The following ASTN2 variants were observed in gnomAD, a reference collection of about 807,000 sequenced individuals.
ASTN2 encodes the protein astrotactin 2, also known as astrotactin-2.
ASTN2 carries 54 observed loss-of-function variants against 139.8 expected under a neutral mutation model. The observed-to-expected ratio is 0.39, with a 90% CI of 0.31 to 0.48. The LOEUF is 0.48. ASTN2 is among the 20% of genes least tolerant of loss of function. The probability of loss-of-function intolerance (pLI) is 0.95; values close to 1 mark genes in which losing one functional copy is unlikely to be tolerated. For missense variants in ASTN2, 1,565 were observed against 1,725.1 expected (o/e 0.91, Z 1.64); for synonymous variants, 756 against 719.5 (o/e 1.05, Z -0.81).
rs1173572683 is a variant in ASTN2 at position 117,146,116 on chromosome 9, A to G, written c.1016-4638T>C. 2.0e-5 allele frequency among the ~76,000 whole-genome samples: 3 copies of G among 152,046 alleles called. 1 individual carries two copies. The South Asian group carries it at 6.2e-4, about 32-fold the overall frequency. On this transcript the variant is annotated intron_variant, in intron 3 of 22. Coordinates refer to ENST00000313400, the MANE Select transcript of ASTN2 (RefSeq NM_001365068.1). ...CCATGGCCAATTTCATCCTGCATACAACTCCCCCTATCCCTGATCCCTCCC... is the reference window on the plus strand; with the variant it reads ...CCATGGCCAATTTCATCCTGCATACGACTCCCCCTATCCCTGATCCCTCCC...
chr9:117,122,417 C>G (rs903786514), intron 4 of ASTN2, among the ~76,000 whole-genome samples: 1 of 152,144 alleles, frequency 6.6e-6, no homozygotes, highest in Non-Finnish European at 1.5e-5. Context: ...GCACTAGTGC[C>G]TCTCACTCAG....
At chr9:116,961,072 T>C (rs1406356277) in intron 10 of ASTN2, among the ~76,000 whole-genome samples, 1 of 152,088 alleles carries the variant, frequency 6.6e-6, no homozygotes, top group Non-Finnish European at 1.5e-5. Flanking sequence ...CCAGGGACTC[T>C]GCAACTAGAG....
In ASTN2 at chr9:116,668,864, G is replaced by A. The variant is rs564084971; in HGVS notation, c.2807-17071C>T. On this transcript the variant is annotated intron_variant, in intron 16 of 22. Transcript: ENST00000313400. The stretch of plus-strand genomic sequence containing the variant: ...TGGGCTAGAAATGACTTAGTGTGTC[G>A]GTCAGTGAAGACAGGGAGGTAGGAG... 1.6e-4 allele frequency among the ~76,000 whole-genome samples: 24 copies of A among 152,250 alleles called. No homozygotes were observed. The South Asian group carries it at 3.9e-3, about 25-fold the overall frequency.
chr9:116,955,137 C>T (rs1835674052), intron 10 of ASTN2, among the ~76,000 whole-genome samples: 1 of 152,178 alleles, frequency 6.6e-6, no homozygotes, highest in Non-Finnish European at 1.5e-5. Flanking sequence ...GCTTTGTGAC[C>T]TTGGCCAGGT....
intron 6 of ASTN2, among the ~76,000 whole-genome samples, chr9:117,025,779 TTC>T (rs1210478771): frequency 2.7e-5 from 4 of 149,770 alleles, no homozygotes; most frequent in African/African-American, 1.0e-4. Context: ...ATTGTGGTTT[TTC>T]TTTTTTCTTT....
At chr9:116,562,354 T>C (rs1053358586) in intron 19 of ASTN2, 1 of 150,992 alleles carries the variant, frequency 6.6e-6, no homozygotes, top group African/African-American at 2.5e-5. Flanking sequence ...CTACGGCTCA[T>C]ATATTAGCAT....
At chr9:116,872,934 C>T (rs1038812739) in intron 10 of ASTN2, among the ~76,000 whole-genome samples, 5 of 152,166 alleles carry the variant, frequency 3.3e-5, no homozygotes, top group South Asian at 2.1e-4. Context: ...TTCCTGTGTG[C>T]CAGGCCATGG....
At chr9:116,448,984 G>A (rs1338717046) in intron 20 of ASTN2, among the ~76,000 whole-genome samples, 1 of 152,170 alleles carries the variant, frequency 6.6e-6, no homozygotes, top group African/African-American at 2.4e-5. Context: ...CAATGAGGCA[G>A]GGTGTGCAGA....
In ASTN2 at chr9:116,832,188, T is replaced by C. The variant is rs1721318993; in HGVS notation, c.2041-11405A>G. ...ATACAATTGATGTTGTATATTTTTC[T>C]TGTATTCTGAGACCTTGCCAAACTT... On this transcript the variant is annotated intron_variant, in intron 11 of 22. Transcript: ENST00000313400. Among the ~76,000 whole-genome samples, 2 of 152,196 alleles carry C rather than the reference T, an allele frequency of 1.3e-5. 1 individual carries two copies. The highest frequency in any genetic ancestry group is 2.9e-5 in the Non-Finnish European group (2 of 68,010).
intron 13 of ASTN2, among the ~76,000 whole-genome samples, chr9:116,782,926 TTCAC>T (rs1478772713): frequency 6.6e-6 from 1 of 152,192 alleles, no homozygotes; most frequent in Non-Finnish European, 1.5e-5. Context: ...TTTATCGAAT[TTCAC>T]TCACTAAGTA....
chr9:117,117,082 G>C (rs1397948393), intron 4 of ASTN2, among the ~76,000 whole-genome samples: 5 of 152,026 alleles, frequency 3.3e-5, no homozygotes, highest in African/African-American at 1.2e-4. Flanking sequence ...ATGGGGACTG[G>C]TGGTGATAAC....
At chr9:117,399,076 G>A (rs529976920) in intron 1 of ASTN2, among the ~76,000 whole-genome samples, 1 of 152,080 alleles carries the variant, frequency 6.6e-6, no homozygotes, top group Non-Finnish European at 1.5e-5. Context: ...GAGCCACCGC[G>A]CCTGACCCAA....
intron 19 of ASTN2, among the ~76,000 whole-genome samples, chr9:116,556,504 T>C (rs925753505): frequency 2.6e-5 from 4 of 152,156 alleles, no homozygotes; most frequent in African/African-American, 9.7e-5. Context: ...CCAGAGGCTG[T>C]TGAGAAGGAG....
chr9:116,903,143 G>A (rs1471320767), intron 10 of ASTN2, among the ~76,000 whole-genome samples: 1 of 151,848 alleles, frequency 6.6e-6, no homozygotes, highest in African/African-American at 2.4e-5. Context: ...CTGTATTCTT[G>A]GGAGAGCTTC....
At chr9:117,174,481 TTA>T (rs1309251577) in intron 3 of ASTN2, among the ~76,000 whole-genome samples, 1 of 151,968 alleles carries the variant, frequency 6.6e-6, no homozygotes, top group African/African-American at 2.4e-5. Flanking sequence ...CTAGCAAACT[TTA>T]TGAGATATAC....
chr9:117,386,735 C>T (rs1588002711), intron 1 of ASTN2, among the ~76,000 whole-genome samples: 1 of 152,244 alleles, frequency 6.6e-6, no homozygotes, highest in East Asian at 1.9e-4. Flanking sequence ...ATGCCAGCTC[C>T]TCAGCCCCTT....
chr9:116,539,003 A>G (rs1189023338), intron 19 of ASTN2, among the ~76,000 whole-genome samples: 1 of 152,224 alleles, frequency 6.6e-6, no homozygotes, highest in Admixed American at 6.5e-5. Flanking sequence ...TTCTTTTAAG[A>G]AAAACAGCAA....
At chr9:116,706,702 C>T (rs1221339665) in intron 16 of ASTN2, among the ~76,000 whole-genome samples, 1 of 151,642 alleles carries the variant, frequency 6.6e-6, no homozygotes, top group Non-Finnish European at 1.5e-5. Context: ...GAGATGACCA[C>T]TACCACTGCA....
intron 19 of ASTN2, chr9:116,551,156 C>T (rs1240159012): frequency 6.6e-6 from 1 of 152,104 alleles, no homozygotes; most frequent in African/African-American, 2.4e-5. Flanking sequence ...AATAAAAATT[C>T]CCAGAAATTC....
Sources: gnomAD v4.1 joint callset for allele counts (sites outside exome capture counted in the v4.1 genomes callset) on GRCh38, gnomAD v4.1.1 for gene constraint, MANE v1.5 for transcripts, NCBI Gene and HGNC (gene_info 2026-07-23, HGNC 2026-07-21) for gene names.